Variants in SLC35D4 observed in about 807,000 individuals in gnomAD.
SLC35D4 encodes solute carrier family 35 member D4, also known as UDP-N-acetylglucosamine transporter SLC35D4.
chr18:23,251,476 G>A, the SLC35D4 span, among the ~76,000 whole-genome samples: 385 of 152,082 alleles, frequency 2.5e-3, 2 homozygotes, highest in Non-Finnish European at 4.3e-3. Flanking sequence ...AGATTATGGC[G>A]TGTAGTCAGC....
the SLC35D4 span, among the ~76,000 whole-genome samples, chr18:23,323,077 G>A: frequency 6.6e-6 from 1 of 152,240 alleles, no homozygotes; most frequent in South Asian, 2.1e-4. Flanking sequence ...GGAAGGGCAT[G>A]TGGTTAAGAT....
the SLC35D4 span, among the ~76,000 whole-genome samples, chr18:23,238,849 T>A: frequency 3.9e-5 from 6 of 152,218 alleles, no homozygotes; most frequent in Non-Finnish European, 5.9e-5. Flanking sequence ...TGTCTCTGAA[T>A]TCCACATTCC....
the SLC35D4 span, among the ~76,000 whole-genome samples, chr18:23,364,933 A>AAAAAAAAAAAAAAT: frequency 6.3e-5 from 1 of 15,800 alleles, no homozygotes. Flanking sequence ...AAAAAAAAAA[A>AAAAAAAAAAAAAAT]GGACTCCTTT....
At chr18:23,411,069 G>T in the SLC35D4 span, among the ~76,000 whole-genome samples, 1 of 151,784 alleles carries the variant, frequency 6.6e-6, no homozygotes, top group Non-Finnish European at 1.5e-5. Flanking sequence ...TCCTGAGATG[G>T]TCCTGGTGGG....
At chr18:23,329,291 T>G in the SLC35D4 span, among the ~76,000 whole-genome samples, 1 of 152,090 alleles carries the variant, frequency 6.6e-6, no homozygotes, top group African/African-American at 2.4e-5. Flanking sequence ...GGGAGAAAAT[T>G]TTTGCAATCT....
chr18:23,269,469 A>T, the SLC35D4 span, among the ~76,000 whole-genome samples: 1 of 152,236 alleles, frequency 6.6e-6, no homozygotes, highest in South Asian at 2.1e-4. Flanking sequence ...ACTCTTGGGC[A>T]TGTCTTTATT....
chr18:23,371,926 G>GT, the SLC35D4 span, among the ~76,000 whole-genome samples: 47 of 11,838 alleles, frequency 4.0e-3, 1 homozygote, highest in African/African-American at 8.4e-3. Flanking sequence ...TTTCTTCCTT[G>GT]TTTTTTTTGT....
At chr18:23,377,751 A>G in the SLC35D4 span, 1 of 1,291,582 alleles carries the variant, frequency 7.7e-7, no homozygotes. Context: ...TTTGATCAAG[A>G]GGCAAATAAA....
the SLC35D4 span, chr18:23,297,881 C>A: frequency 1.8e-6 from 2 of 1,132,478 alleles, no homozygotes; most frequent in Admixed American, 1.9e-5. Context: ...GCCCACCTGG[C>A]CTCACTGTCC....
chr18:23,392,152 G>T, the SLC35D4 span, among the ~76,000 whole-genome samples: 1 of 151,922 alleles, frequency 6.6e-6, no homozygotes, highest in Non-Finnish European at 1.5e-5. Flanking sequence ...TGGCCAGGCT[G>T]GTCTCGAACT....
At chr18:23,399,320 G>A in the SLC35D4 span, among the ~76,000 whole-genome samples, 2 of 152,200 alleles carry the variant, frequency 1.3e-5, no homozygotes, top group South Asian at 4.1e-4. Context: ...AGCAGGGCCC[G>A]TCTCTGGCCA....
At chr18:23,267,319 G>A in the SLC35D4 span, among the ~76,000 whole-genome samples, 1 of 152,052 alleles carries the variant, frequency 6.6e-6, no homozygotes, top group Non-Finnish European at 1.5e-5. Flanking sequence ...TGAATTTCAG[G>A]GTGTCTATGA....
At chr18:23,300,203 C>T in the SLC35D4 span, among the ~76,000 whole-genome samples, 1 of 152,158 alleles carries the variant, frequency 6.6e-6, no homozygotes, top group Admixed American at 6.5e-5. Flanking sequence ...GTTCTTTTTG[C>T]ACGCAGGCTC....
the SLC35D4 span, among the ~76,000 whole-genome samples, chr18:23,345,310 T>C: frequency 3.3e-5 from 5 of 151,648 alleles, no homozygotes; most frequent in Non-Finnish European, 7.4e-5. Flanking sequence ...GGTTAAACCC[T>C]GTCTCTACTA....
the SLC35D4 span, among the ~76,000 whole-genome samples, chr18:23,427,231 AACCC>A: frequency 1.5e-4 from 23 of 152,372 alleles, no homozygotes; most frequent in African/African-American, 5.3e-4. Context: ...GTGAACAGGC[AACCC>A]ACAGAATGGG....
At chr18:23,419,253 T>G in the SLC35D4 span, among the ~76,000 whole-genome samples, 1 of 152,158 alleles carries the variant, frequency 6.6e-6, no homozygotes, top group African/African-American at 2.4e-5. Context: ...GATTATAGTT[T>G]TGGCTAGATA....
chr18:23,252,756 A>G, the SLC35D4 span, among the ~76,000 whole-genome samples: 21 of 152,210 alleles, frequency 1.4e-4, no homozygotes, highest in South Asian at 4.4e-3. Context: ...TCATCCTAAT[A>G]GTGGTGACTT....
At chr18:23,317,311 A>T in the SLC35D4 span, among the ~76,000 whole-genome samples, 5 of 152,200 alleles carry the variant, frequency 3.3e-5, no homozygotes, top group Admixed American at 3.3e-4. Context: ...GATTATTGCT[A>T]TGTTCCTAGT....
At chr18:23,318,990 C>T in the SLC35D4 span, among the ~76,000 whole-genome samples, 112 of 149,258 alleles carry the variant, frequency 7.5e-4, no homozygotes, top group African/African-American at 2.7e-3. Flanking sequence ...ATCACAGGTG[C>T]ATGCCACCAT....
Sources: gnomAD v4.1 joint callset for allele counts (sites outside exome capture counted in the v4.1 genomes callset) on GRCh38, gnomAD v4.1.1 for gene constraint, MANE v1.5 for transcripts, NCBI Gene and HGNC (gene_info 2026-07-23, HGNC 2026-07-21) for gene names.